Variants in KIF16B observed in about 807,000 individuals in gnomAD.
The protein encoded by KIF16B is kinesin-like protein KIF16B.
A neutral mutation model predicts 156.3 loss-of-function variants in KIF16B; 98 were observed. That is an observed-to-expected ratio of 0.63 (90% CI 0.53 to 0.74). The LOEUF is 0.74. Ranked by LOEUF, KIF16B falls within the 30% of genes least tolerant of loss-of-function variation. The probability of loss-of-function intolerance (pLI) is 0.00; values close to 1 mark genes in which losing one functional copy is unlikely to be tolerated. For synonymous variants in KIF16B, 564 were observed against 583.7 expected (o/e 0.97, Z 0.49); for missense variants, 1,421 against 1,606.5 (o/e 0.88, Z 1.97).
chr20:16,284,977 C>A (rs2063202321), intron 25 of KIF16B, among the ~76,000 whole-genome samples: 1 of 152,194 alleles, frequency 6.6e-6, no homozygotes, highest in African/African-American at 2.4e-5. Context: ...CATCCCAGAG[C>A]AGCACCATCT....
At chr20:16,406,840 G>A (rs936028318) in intron 15 of KIF16B, among the ~76,000 whole-genome samples, 1 of 152,100 alleles carries the variant, frequency 6.6e-6, no homozygotes, top group African/African-American at 2.4e-5. Context: ...ACAACTTTAG[G>A]AATGTTTATT....
intron 12 of KIF16B, among the ~76,000 whole-genome samples, chr20:16,493,777 T>C (rs1288377015): frequency 6.6e-6 from 1 of 152,194 alleles, no homozygotes; most frequent in Non-Finnish European, 1.5e-5. Context: ...CAGCAAGTCT[T>C]GCCAGAAACA....
chr20:16,558,641 G>A (rs908150132), intron 1 of KIF16B, among the ~76,000 whole-genome samples: 4 of 152,218 alleles, frequency 2.6e-5, no homozygotes, highest in Non-Finnish European at 4.4e-5. Context: ...GATGGCTCAC[G>A]CCTGTAATCC....
chr20:16,508,092 T>C lies in KIF16B; in HGVS notation c.565A>G (p.Lys189Glu), dbSNP rs368075783. The change falls in exon 7 of 26, where the codon AAA (lysine) becomes GAA (glutamate). Residue 189 changes from lysine (K) to glutamate (E), a missense_variant. Transcript: ENST00000354981. ...KEGPYVEDLS[K>E]HLVQNYGDVE... ...TCACCATAATTCTGTACTAAATGTT[T>C]GGATAAATCTGAAAAAGAAAATGGA... 1.4e-5 allele frequency: 23 copies of C among 1,613,832 alleles called. No homozygotes were observed. The highest frequency in any genetic ancestry group is 1.8e-5 in the Non-Finnish European group (21 of 1,179,900).
intron 12 of KIF16B, among the ~76,000 whole-genome samples, chr20:16,461,191 C>T (rs1036228657): frequency 6.6e-6 from 1 of 151,776 alleles, no homozygotes; most frequent in Admixed American, 6.6e-5. Context: ...TTTGATACAT[C>T]TAATGTAAGA....
At chr20:16,393,642 C>G (rs966268293) in intron 17 of KIF16B, among the ~76,000 whole-genome samples, 1 of 152,170 alleles carries the variant, frequency 6.6e-6, no homozygotes, top group Admixed American at 6.5e-5. Context: ...CTGAAAAAAC[C>G]AGACTCTTCC....
chr20:16,418,497 T>G (rs2066145904), intron 15 of KIF16B, among the ~76,000 whole-genome samples: 1 of 152,154 alleles, frequency 6.6e-6, no homozygotes, highest in African/African-American at 2.4e-5. Context: ...TTGGAAAGAC[T>G]TGTTTCACTG....
chr20:16,405,447 C>G (rs1374713920), intron 16 of KIF16B, among the ~76,000 whole-genome samples: 1 of 152,142 alleles, frequency 6.6e-6, no homozygotes, highest in Non-Finnish European at 1.5e-5. Flanking sequence ...ATAAGAGGCT[C>G]CACTGGCCGG....
At chr20:16,428,301 T>C (rs2066411747) in intron 14 of KIF16B, among the ~76,000 whole-genome samples, 1 of 152,116 alleles carries the variant, frequency 6.6e-6, no homozygotes, top group Non-Finnish European at 1.5e-5. Flanking sequence ...TTGCCAGCAA[T>C]TCTAAAAGCA....
chr20:16,334,348 C>T (rs2063999030), intron 24 of KIF16B, among the ~76,000 whole-genome samples: 1 of 152,198 alleles, frequency 6.6e-6, no homozygotes, highest in South Asian at 2.1e-4. Flanking sequence ...TTCATATGTA[C>T]ACAATACTTC....
intron 6 of KIF16B, among the ~76,000 whole-genome samples, chr20:16,509,541 TTTTG>T (rs1210678824): frequency 1.3e-5 from 2 of 152,202 alleles, no homozygotes; most frequent in Non-Finnish European, 2.9e-5. Flanking sequence ...AGTATTCTTA[TTTTG>T]TTTTTCTTTT....
chr20:16,549,128 G>A (rs977468452), intron 1 of KIF16B, among the ~76,000 whole-genome samples: 32 of 148,764 alleles, frequency 2.2e-4, no homozygotes, highest in African/African-American at 8.0e-4. Context: ...CCATGCTGGT[G>A]CACTGCACCC....
In KIF16B at chr20:16,337,113, C is replaced by A. The variant is rs543039059; in HGVS notation, c.3622-1098G>T. 2.1e-4 allele frequency among the ~76,000 whole-genome samples: 32 copies of A among 152,332 alleles called. No homozygotes were observed. The South Asian group carries it at 6.2e-3, about 30-fold the overall frequency. On this transcript the variant is annotated intron_variant, in intron 23 of 25. Coordinates refer to ENST00000354981, the MANE Select transcript of KIF16B (RefSeq NM_024704.5). Reference sequence around the variant, plus strand: ...CTGCCCACAGCAGCCTGTCTGCAGGCCTCTCCTGCTAGGTGTCTTCACTCC... The same window carrying A: ...CTGCCCACAGCAGCCTGTCTGCAGGACTCTCCTGCTAGGTGTCTTCACTCC...
In KIF16B at chr20:16,346,130, G is replaced by A. The variant is rs1053872766; in HGVS notation, c.3622-10115C>T. ...GCAGGCTTCCCCCTCCAGTGCAGTG[G>A]GCCCTGTGAACCTGAAGCTTGACCA... On this transcript the variant is annotated intron_variant, in intron 23 of 25. Coordinates refer to ENST00000354981, the MANE Select transcript of KIF16B (RefSeq NM_024704.5). Among the ~76,000 whole-genome samples the A allele has an allele frequency of 2.0e-5, 3 of 152,168 alleles. No individual in the cohort carries two copies. The East Asian group carries it at 5.8e-4, about 29-fold the overall frequency.
intron 12 of KIF16B, among the ~76,000 whole-genome samples, chr20:16,482,388 C>A (rs1432571526): frequency 6.6e-6 from 1 of 152,032 alleles, no homozygotes; most frequent in East Asian, 1.9e-4. Flanking sequence ...GCAAGTCCAA[C>A]CTGCCGCTCC....
intron 1 of KIF16B, among the ~76,000 whole-genome samples, chr20:16,567,956 A>G (rs548833848): frequency 6.6e-6 from 1 of 152,336 alleles, no homozygotes; most frequent in East Asian, 1.9e-4. Context: ...CGTCTCAAAA[A>G]AAAGAAATAA....
At chr20:16,536,554 A>G (rs2069973590) in intron 1 of KIF16B, among the ~76,000 whole-genome samples, 1 of 152,228 alleles carries the variant, frequency 6.6e-6, no homozygotes, top group African/African-American at 2.4e-5. Context: ...ACTTTATTAC[A>G]TATTCTAATA....
chr20:16,504,593 T>A (rs202004865), intron 9 of KIF16B, 46 bp from the exon 10 acceptor site: 2 of 1,542,580 alleles, frequency 1.3e-6, no homozygotes, highest in Non-Finnish European at 1.8e-6. Flanking sequence ...CACTCCATGT[T>A]CCATTTAACA....
At chr20:16,519,050 G>A (rs1014922853) in intron 3 of KIF16B, among the ~76,000 whole-genome samples, 2 of 152,176 alleles carry the variant, frequency 1.3e-5, no homozygotes, top group Admixed American at 6.5e-5. Context: ...ACCTGAGCAA[G>A]TTCCTTAAGC....
Sources: allele counts gnomAD v4.1 joint callset (sites outside exome capture counted in the v4.1 genomes callset), GRCh38; gene constraint gnomAD v4.1.1; transcripts MANE v1.5; gene names NCBI Gene and HGNC (gene_info 2026-07-23, HGNC 2026-07-21).